The following DNAL4 variants were observed in gnomAD, a reference collection of about 807,000 sequenced individuals.
DNAL4 encodes dynein light chain, outer arm 4.
In DNAL4, 10 loss-of-function variants were observed where a neutral mutation model predicts 12.6. That is an observed-to-expected ratio of 0.79 (90% CI 0.49 to 1.34). The LOEUF (loss-of-function observed/expected upper bound fraction) is 1.34, where lower values mean the gene tolerates loss of function less well. Among genes scored for constraint, DNAL4 ranks in the 40% most tolerant of loss-of-function variants. DNAL4 has a pLI of 0.00. For synonymous variants in DNAL4, 46 were observed against 53.1 expected, an observed-to-expected ratio of 0.87 and a Z score of 0.58; for missense variants, 128 against 138.1, an observed-to-expected ratio of 0.93 and a Z score of 0.37.
rs1451493137 is a variant in DNAL4 at position 38,782,726 on chromosome 22, T to G, written c.6A>C (p.Gly2=). 6.2e-7 allele frequency: 1 copy of G among 1,612,872 alleles called. No individual in the cohort carries two copies. Among genetic ancestry groups the G allele is most frequent in the Non-Finnish European group, 8.5e-7 (1 of 1,179,610 alleles). Residue 2 remains glycine (G), a synonymous_variant, in exon 2 of 4, where the codon GGA becomes GGC. Transcript: ENST00000216068. The surrounding 1 kb of genome is among the most constrained non-coding windows in gnomAD (Gnocchi z 5.1). M[G]ETEGKKDEAD... ...CCTCATCTTTCTTCCCTTCTGTTTC[T>G]CCCATGATCCTTCCACTGTGACCAC...
At chr22:38,786,771 G>A (rs1603240019) in intron 1 of DNAL4, among the ~76,000 whole-genome samples, 1 of 152,118 alleles carries the variant, frequency 6.6e-6, no homozygotes, top group East Asian at 1.9e-4. Context: ...TCTGATGTGA[G>A]GCTCTTCCTA....
intron 3 of DNAL4, among the ~76,000 whole-genome samples, chr22:38,780,549 C>T (rs2093032774): frequency 6.6e-6 from 1 of 152,252 alleles, no homozygotes; most frequent in African/African-American, 2.4e-5. Flanking sequence ...ACACCTAGAA[C>T]AGCGCCTGTT....
intron 1 of DNAL4, among the ~76,000 whole-genome samples, chr22:38,789,100 C>A (rs1464668084): frequency 6.6e-6 from 1 of 152,070 alleles, no homozygotes; most frequent in Non-Finnish European, 1.5e-5. Context: ...CCAGAATGGG[C>A]GATCTACATA....
intron 1 of DNAL4, chr22:38,785,461 C>T (rs1180207428): frequency 1.3e-5 from 2 of 152,230 alleles, no homozygotes; most frequent in African/African-American, 4.8e-5. Flanking sequence ...AGGAGGGAAC[C>T]AGGAGCCAGT....
intron 1 of DNAL4, among the ~76,000 whole-genome samples, chr22:38,790,188 C>A (rs937012775): frequency 6.6e-6 from 1 of 151,472 alleles, no homozygotes; most frequent in Non-Finnish European, 1.5e-5. Context: ...GAATGGGAAG[C>A]CCTTTGGAGG....
At chr22:38,784,998 T>C (rs1376530387) in intron 1 of DNAL4, among the ~76,000 whole-genome samples, 1 of 134,708 alleles carries the variant, frequency 7.4e-6, no homozygotes, top group Non-Finnish European at 1.6e-5. Context: ...TCCAATGACA[T>C]TGGTATTTTC....
intron 1 of DNAL4, among the ~76,000 whole-genome samples, chr22:38,784,205 T>C (rs1397689463): frequency 7.9e-5 from 12 of 152,218 alleles, no homozygotes; most frequent in Admixed American, 7.9e-4. Flanking sequence ...CTGTCGGTGT[T>C]TCACATGCAT....
At position 38,779,636 on chromosome 22, in the gene DNAL4, C is replaced by T; in HGVS notation, c.154-23G>A. 1.9e-6 allele frequency: 3 copies of T among 1,584,996 alleles called. No individual in the cohort carries two copies. The highest frequency in any genetic ancestry group is 2.6e-6 in the Non-Finnish European group (3 of 1,163,670). On this transcript the variant is annotated intron_variant, in intron 3 of 3. Transcript: ENST00000216068. The surrounding 1 kb of genome is among the most constrained non-coding windows in gnomAD (Gnocchi z 4.3). ...GCTCTGGAAGGAAGAGGGCACTTAT[C>T]AAGGGGGCGCAGGGCAGGTGGGGGC...
intron 1 of DNAL4, among the ~76,000 whole-genome samples, chr22:38,793,553 A>G (rs2093054177): frequency 6.6e-6 from 1 of 152,182 alleles, no homozygotes; most frequent in African/African-American, 2.4e-5. Context: ...TCAAAGAACA[A>G]CGACATCCTA....
At chr22:38,787,045 G>A (rs1014743368) in intron 1 of DNAL4, among the ~76,000 whole-genome samples, 1 of 152,144 alleles carries the variant, frequency 6.6e-6, no homozygotes, top group South Asian at 2.1e-4. Context: ...TGGAACATCC[G>A]CGGCCCTTAG....
intron 2 of DNAL4, among the ~76,000 whole-genome samples, chr22:38,781,220 C>T (rs559800199): frequency 1.9e-4 from 29 of 152,372 alleles, no homozygotes; most frequent in Admixed American, 1.7e-3. Context: ...CAAGCCCAGG[C>T]TCTCTGCAAG....
At chr22:38,793,045 T>C (rs2093053445) in intron 1 of DNAL4, among the ~76,000 whole-genome samples, 1 of 152,232 alleles carries the variant, frequency 6.6e-6, no homozygotes, top group East Asian at 1.9e-4. Context: ...TTACGATAGC[T>C]ATGTAACTAG....
At chr22:38,784,857 G>A (rs2093039812) in intron 1 of DNAL4, among the ~76,000 whole-genome samples, 1 of 152,052 alleles carries the variant, frequency 6.6e-6, no homozygotes, top group South Asian at 2.1e-4. Context: ...GTTTGGCCCA[G>A]CCTTGAGCTT....
In DNAL4 at chr22:38,788,467, G is replaced by A. The variant is rs117583351; in HGVS notation, c.-139-5597C>T. On this transcript the variant is annotated intron_variant, in intron 1 of 3. Coordinates refer to ENST00000216068, the MANE Select transcript of DNAL4 (RefSeq NM_005740.3). ...ACTTAATGTGCCTGGGACTGAGGGA[G>A]GAGTGGAGGGAAGGAGAGGAGGGAG... Among the ~76,000 whole-genome samples the A allele has an allele frequency of 4.4e-3, 666 of 152,274 alleles. 4 individuals are homozygous for A. The highest frequency in any genetic ancestry group is 7.5e-3 in the Non-Finnish European group (509 of 68,012).
rs2093031671 is a variant in DNAL4 at position 38,779,887 on chromosome 22, G to A, written c.154-274C>T. On this transcript the variant is annotated intron_variant, in intron 3 of 3. Transcript: ENST00000216068. The surrounding 1 kb of genome is among the most constrained non-coding windows in gnomAD (Gnocchi z 4.3). ...AGCATCAGGTCTGGAGATAGCCTGG[G>A]GCTGCGTCCTGGCTCTGCACTTAGT... Among the ~76,000 whole-genome samples the A allele has an allele frequency of 6.6e-6, 1 of 152,200 alleles. No homozygotes were observed. Among genetic ancestry groups the A allele is most frequent in the Non-Finnish European group, 1.5e-5 (1 of 68,036 alleles).
intron 1 of DNAL4, among the ~76,000 whole-genome samples, chr22:38,793,470 T>C (rs2093054057): frequency 6.6e-6 from 1 of 152,022 alleles, no homozygotes; most frequent in Admixed American, 6.5e-5. Flanking sequence ...CCAAATTAGG[T>C]TTGCCAAGTT....
At chr22:38,793,646 G>A (rs562214423) in intron 1 of DNAL4, among the ~76,000 whole-genome samples, 1 of 152,272 alleles carries the variant, frequency 6.6e-6, no homozygotes, top group South Asian at 2.1e-4. Context: ...CCAAACAGGG[G>A]AAATGACCAG....
In DNAL4 at chr22:38,781,093, T is replaced by G. The variant is rs2093033662; in HGVS notation, c.70-84A>C. 6 of 1,498,404 alleles carry G rather than the reference T, an allele frequency of 4.0e-6. No individual in the cohort carries two copies. In the East Asian group the frequency reaches 1.4e-4, roughly 34 times the overall value. 92.8% of individuals were successfully genotyped at this position (1,498,404 alleles called of 1,614,324 possible). On this transcript the variant is annotated intron_variant, in intron 2 of 3. Coordinates refer to ENST00000216068, the MANE Select transcript of DNAL4 (RefSeq NM_005740.3). ...CTGGCTGGCCTCTCTGTCCCAAGCT[T>G]AAGGCATGGACAGCAGGTAGCCTCC...
At chr22:38,784,261 G>C (rs5757283) in intron 1 of DNAL4, among the ~76,000 whole-genome samples, 1 of 152,164 alleles carries the variant, frequency 6.6e-6, no homozygotes, top group Non-Finnish European at 1.5e-5. Flanking sequence ...CGGTTCTGTA[G>C]GGACAGAGGC....
Sources: allele counts gnomAD v4.1 joint callset (sites outside exome capture counted in the v4.1 genomes callset), GRCh38; gene constraint gnomAD v4.1.1; non-coding constraint Gnocchi (gnomAD v3.1); transcripts MANE v1.5; gene names NCBI Gene and HGNC (gene_info 2026-07-23, HGNC 2026-07-21).